Variants in EHHADH observed in about 807,000 individuals in gnomAD.
EHHADH encodes peroxisomal bifunctional enzyme.
EHHADH carries 48 observed loss-of-function variants against 64.4 expected under a neutral mutation model. That is an observed-to-expected ratio of 0.75 (90% CI 0.59 to 0.95). The LOEUF (loss-of-function observed/expected upper bound fraction) is 0.95, where lower values mean the gene tolerates loss of function less well. Among genes scored for constraint, EHHADH ranks in the 40% least tolerant of loss-of-function variants. The pLI is 0.00. For synonymous variants in EHHADH, 308 were observed against 326.7 expected, an observed-to-expected ratio of 0.94 and a Z score of 0.62; for missense variants, 854 against 876.6, an observed-to-expected ratio of 0.97 and a Z score of 0.33.
chr3:185,238,967 G>C (rs1207965980), intron 2 of EHHADH, among the ~76,000 whole-genome samples: 1 of 152,082 alleles, frequency 6.6e-6, no homozygotes, highest in Non-Finnish European at 1.5e-5. Context: ...TTTGTATATG[G>C]TGAAAGATAG....
intron 5 of EHHADH, among the ~76,000 whole-genome samples, chr3:185,206,976 T>C (rs1718414353): frequency 6.6e-6 from 1 of 151,520 alleles, no homozygotes; most frequent in South Asian, 2.1e-4. Flanking sequence ...GGTAAAGAGA[T>C]GTATAGGTGA....
rs182632244 is a variant in EHHADH at position 185,200,825 on chromosome 3, G to A, written c.910+3591C>T. Among the ~76,000 whole-genome samples, 25 of 152,272 alleles carry A rather than the reference G, an allele frequency of 1.6e-4. 1 individual carries two copies. The East Asian group carries it at 3.9e-3, about 23-fold the overall frequency. On this transcript the variant is annotated intron_variant, in intron 6 of 6. Transcript: ENST00000231887. ...TTGCAGGGTTACTAATCAGAACTGC[G>A]TCTCCTGCGGGGCTGAGAAGCCTGG...
At position 185,192,070 on chromosome 3, in the gene EHHADH, T is replaced by G; in HGVS notation, c.*156A>C. The stretch of plus-strand genomic sequence containing the variant: ...GGCATAGGAAGCACATTCCTAAAGA[T>G]TTGACCATTAGAGTCGTTACACAGA... On this transcript the variant is annotated 3_prime_UTR_variant, in exon 7 of 7. Transcript: ENST00000231887. 1 of 844,546 alleles carries G rather than the reference T, an allele frequency of 1.2e-6. No homozygotes were observed. Among genetic ancestry groups the G allele is most frequent in the Non-Finnish European group, 1.8e-6 (1 of 555,056 alleles). The allele number at this position is 844,546 out of a possible 1,614,324, so 52.3% of individuals were successfully genotyped here. A position where few individuals can be genotyped will look rare whatever the true frequency, so the allele number is the denominator to read the frequency against.
At chr3:185,194,957 A>C (rs1030437889) in intron 6 of EHHADH, among the ~76,000 whole-genome samples, 1 of 152,138 alleles carries the variant, frequency 6.6e-6, no homozygotes, top group Non-Finnish European at 1.5e-5. Context: ...TTTTAACAAG[A>C]GTGCCAAGAA....
chr3:185,244,160 A>T (rs1416006717), intron 2 of EHHADH, among the ~76,000 whole-genome samples: 1 of 152,216 alleles, frequency 6.6e-6, no homozygotes, highest in Non-Finnish European at 1.5e-5. Flanking sequence ...TGATGTAAAT[A>T]TAGCTACTAC....
At chr3:185,203,707 C>T (rs949393648) in intron 6 of EHHADH, among the ~76,000 whole-genome samples, 1 of 151,978 alleles carries the variant, frequency 6.6e-6, no homozygotes. Flanking sequence ...GTGAATGGAT[C>T]GGGGGACGGA....
At chr3:185,204,149 AAAAAAAAAAG>A (rs1718309690) in intron 6 of EHHADH, among the ~76,000 whole-genome samples, 2 of 150,762 alleles carry the variant, frequency 1.3e-5, no homozygotes, top group South Asian at 2.1e-4. Flanking sequence ...AAAAAAAAAA[AAAAAAAAAAG>A]AATAAAACAT....
At position 185,204,152 on chromosome 3, in the gene EHHADH, A is replaced by T. The variant is rs900140000; in HGVS notation, c.910+264T>A. On this transcript the variant is annotated intron_variant, in intron 6 of 6. Transcript: ENST00000231887. ...TGTCTCAAAAAAAAAAAAAAAAAAA[A>T]AAAAAAGAATAAAACATTCCCAGTC... Among the ~76,000 whole-genome samples, 291 of 150,696 alleles carry T rather than the reference A, an allele frequency of 1.9e-3. 1 individual carries two copies. Among genetic ancestry groups the T allele is most frequent in the South Asian group, 4.0e-3 (19 of 4,712 alleles).
chr3:185,196,866 G>C (rs1442973246), intron 6 of EHHADH, among the ~76,000 whole-genome samples: 1 of 152,226 alleles, frequency 6.6e-6, no homozygotes, highest in East Asian at 1.9e-4. Flanking sequence ...GCCAGGTGTG[G>C]TGGCATGTGC....
In EHHADH at chr3:185,248,450, T is replaced by A; in HGVS notation, c.142A>T (p.Ile48Phe). The A allele has an allele frequency of 1.2e-6, 2 of 1,614,156 alleles. No homozygotes were observed. Among genetic ancestry groups the A allele is most frequent in the Non-Finnish European group, 1.7e-6 (2 of 1,179,996 alleles). ...TTGCCCTCTGCTCCACAAATCACAA[T>A]GGCTTTTATTGTATGGTCTATTACA... is the stretch of plus-strand genomic sequence containing the variant. ...KAVIDHTIKA[I>F]VICGAEGKFS... The change falls in exon 2 of 7, where the codon ATT becomes TTT. Residue 48 changes from isoleucine to phenylalanine, a missense_variant. Physicochemically the swap from Ile to Phe is conservative, Grantham distance 21. Transcript: ENST00000231887.
intron 2 of EHHADH, among the ~76,000 whole-genome samples, chr3:185,236,367 C>G (rs1234379002): frequency 7.2e-6 from 1 of 138,274 alleles, no homozygotes; most frequent in South Asian, 2.4e-4. Context: ...ATCCCTGCCC[C>G]CCCACCCTCC....
chr3:185,211,258 G>A (rs764684804), intron 5 of EHHADH, among the ~76,000 whole-genome samples: 4 of 152,332 alleles, frequency 2.6e-5, no homozygotes, highest in Middle Eastern at 3.4e-3. Flanking sequence ...GTGTCAGTAT[G>A]TCAGCATCAG....
intron 3 of EHHADH, among the ~76,000 whole-genome samples, chr3:185,234,001 T>G (rs1577371721): frequency 6.6e-6 from 1 of 152,224 alleles, no homozygotes; most frequent in East Asian, 1.9e-4. Context: ...AAGAAAAAAT[T>G]ACATACAAAA....
intron 5 of EHHADH, among the ~76,000 whole-genome samples, chr3:185,214,741 A>AAAATGGAAGTTGTAATAGCT (rs1288097347): frequency 6.6e-6 from 1 of 152,202 alleles, no homozygotes; most frequent in Non-Finnish European, 1.5e-5. Flanking sequence ...ACTTTCTTTA[A>AAAATGGAAGTTGTAATAGCT]AAATGGAAGT....
chr3:185,239,366 T>G (rs1426109192), intron 2 of EHHADH, among the ~76,000 whole-genome samples: 2 of 152,096 alleles, frequency 1.3e-5, no homozygotes, highest in East Asian at 3.8e-4. Flanking sequence ...CTGTATATTG[T>G]TTTGGGCAGT....
rs142059504 is a variant in EHHADH at position 185,201,984 on chromosome 3, T to C, written c.910+2432A>G. 1.6e-4 allele frequency among the ~76,000 whole-genome samples: 24 copies of C among 152,330 alleles called. No homozygotes were observed. The East Asian group carries it at 4.0e-3, about 26-fold the overall frequency. The stretch of plus-strand genomic sequence containing the variant: ...ATATTGGTATTGCTGAAATATTTAA[T>C]AGTACAAAAAGAGGAACAATCATAG... On this transcript the variant is annotated intron_variant, in intron 6 of 6. Transcript: ENST00000231887.
intron 4 of EHHADH, 144 bp from the exon 5 acceptor site, chr3:185,218,384 C>CT: frequency 4.2e-6 from 2 of 475,766 alleles, no homozygotes; most frequent in South Asian, 9.3e-5. Context: ...ACCACACTCA[C>CT]TGAAAGAATA....
chr3:185,233,609 T>C (rs1719198596), intron 3 of EHHADH, among the ~76,000 whole-genome samples: 1 of 152,086 alleles, frequency 6.6e-6, no homozygotes. Flanking sequence ...AAAAATAGAG[T>C]ATAAACTAAA....
chr3:185,232,436 C>T (rs1232603442), intron 3 of EHHADH, among the ~76,000 whole-genome samples: 2 of 152,048 alleles, frequency 1.3e-5, no homozygotes, highest in East Asian at 3.9e-4. Flanking sequence ...TATTATGCCG[C>T]CACTTATAAT....
Sources: gnomAD v4.1 joint callset for allele counts (sites outside exome capture counted in the v4.1 genomes callset) on GRCh38, gnomAD v4.1.1 for gene constraint, MANE v1.5 for transcripts, NCBI Gene and HGNC (gene_info 2026-07-23, HGNC 2026-07-21) for gene names.